Variants in RIMKLB observed in about 807,000 individuals in gnomAD.
RIMKLB encodes the protein beta-citrylglutamate synthase B.
A neutral mutation model predicts 32.0 loss-of-function variants in RIMKLB; 7 were observed. That is an observed-to-expected ratio of 0.22 (90% CI 0.12 to 0.41). The LOEUF is 0.41. Ranked by LOEUF, RIMKLB falls within the 10% of genes least tolerant of loss-of-function variation. The pLI is 1.00. For synonymous variants in RIMKLB, 172 were observed against 185.1 expected (o/e 0.93, Z 0.57); for missense variants, 289 against 498.7 (o/e 0.58, Z 4.00).
At chr12:8,763,388 G>A (rs771469283) in intron 5 of RIMKLB, among the ~76,000 whole-genome samples, 7 of 152,276 alleles carry the variant, frequency 4.6e-5, no homozygotes, top group South Asian at 2.1e-4. Flanking sequence ...TGCTTTAGGC[G>A]TACATCTGAC....
chr12:8,680,916 A>G (rs1031759176), upstream of RIMKLB, among the ~76,000 whole-genome samples: 2 of 152,004 alleles, frequency 1.3e-5, no homozygotes, highest in African/African-American at 2.4e-5. Flanking sequence ...AAGGAAACAA[A>G]CTTACAATGA....
intron 2 of RIMKLB, among the ~76,000 whole-genome samples, chr12:8,732,732 A>G (rs1255304732): frequency 6.7e-6 from 1 of 149,856 alleles, no homozygotes; most frequent in African/African-American, 2.5e-5. Flanking sequence ...AGCGTTATGC[A>G]TGCAACAGAA....
At position 8,774,150 on chromosome 12, in the gene RIMKLB, C is replaced by A. The variant is rs1334606478; in HGVS notation, c.*366C>A. On this transcript the variant is annotated 3_prime_UTR_variant, in exon 6 of 6. Coordinates refer to ENST00000535829, the MANE Select transcript of RIMKLB (RefSeq NM_001297776.2). ...AAAAAAATGGTTTTGCTACAAATAT[C>A]CAAGTAGCATAACTTCACATTGTGT... 5 of 1,007,418 alleles carry A rather than the reference C, an allele frequency of 5.0e-6. No individual in the cohort carries two copies. The Admixed American group carries it at 2.6e-4, about 52-fold the overall frequency. The allele number at this position is 1,007,418 out of a possible 1,614,324, so 62.4% of individuals were successfully genotyped here.
At chr12:8,715,228 C>CTTT (rs61677474) in intron 2 of RIMKLB, among the ~76,000 whole-genome samples, 14 of 123,760 alleles carry the variant, frequency 1.1e-4, no homozygotes, top group African/African-American at 4.3e-4. Flanking sequence ...TGCTCTTGTT[C>CTTT]TTTTTTTTTT....
intron 2 of RIMKLB, among the ~76,000 whole-genome samples, chr12:8,719,329 TA>T (rs1945199254): frequency 6.6e-6 from 1 of 152,210 alleles, no homozygotes; most frequent in Admixed American, 6.5e-5. Flanking sequence ...CTTCTAATTC[TA>T]AGCCCTGGGA....
Position 8,768,671 on chromosome 12 carries a change from C to T in RIMKLB, c.698-4650C>T, listed in dbSNP as rs775761153. Among the ~76,000 whole-genome samples, 181 of 152,144 alleles carry T rather than the reference C, an allele frequency of 1.2e-3. 1 individual carries two copies. The highest frequency in any genetic ancestry group is 2.5e-4 in the Non-Finnish European group (17 of 68,026). On this transcript the variant is annotated intron_variant, in intron 5 of 5. Transcript: ENST00000535829. ...AACTGAGCCGTGAACCTTTCTCATC[C>T]TAGTTCCTTTTGCAGTAATAGCTTT...
At chr12:8,720,263 C>G (rs550444207) in intron 2 of RIMKLB, among the ~76,000 whole-genome samples, 2 of 152,170 alleles carry the variant, frequency 1.3e-5, no homozygotes, top group Non-Finnish European at 2.9e-5. Context: ...GAAGTCATAT[C>G]ATCAGTAACA....
intron 2 of RIMKLB, among the ~76,000 whole-genome samples, chr12:8,742,192 C>T (rs1947620573): frequency 6.6e-6 from 1 of 151,896 alleles, no homozygotes; most frequent in Non-Finnish European, 1.5e-5. Flanking sequence ...GCCACCATGC[C>T]CGGCTGGAGA....
intron 1 of RIMKLB, among the ~76,000 whole-genome samples, chr12:8,684,420 G>GC (rs1447517453): frequency 2.6e-5 from 4 of 151,584 alleles, no homozygotes; most frequent in Non-Finnish European, 5.9e-5. Context: ...TGATCCACCC[G>GC]CCCCCGCCTC....
chr12:8,723,804 C>CTTTTTTTTTTTTTTTTTTTTTTTT (rs35269536), intron 2 of RIMKLB, among the ~76,000 whole-genome samples: 1 of 75,502 alleles, frequency 1.3e-5, no homozygotes, highest in African/African-American at 5.3e-5. Context: ...CTTCAGTTCC[C>CTTTTTTTTTTTTTTTTTTTTTTTT]TTTTTTTTTT....
At position 8,725,616 on chromosome 12, in the gene RIMKLB, G is replaced by A. The variant is rs763785503; in HGVS notation, c.175+11575G>A. On this transcript the variant is annotated intron_variant, in intron 2 of 5. Transcript: ENST00000535829. ...AGGCACACCAGCCCTGGCAGAGGCT[G>A]CAAGGGGGCAGGTAGGAGCCAAGGG... Among the ~76,000 whole-genome samples the A allele has an allele frequency of 2.6e-4, 39 of 152,320 alleles. 1 individual carries two copies. In the South Asian group the frequency reaches 4.3e-3, roughly 17 times the overall value.
At chr12:8,676,535 A>G in the RIMKLB span, among the ~76,000 whole-genome samples, 1 of 151,082 alleles carries the variant, frequency 6.6e-6, no homozygotes, top group African/African-American at 2.4e-5. Context: ...AGTAGCCAGG[A>G]CTACGGGTGT....
chr12:8,745,157 C>T (rs1947958739), intron 2 of RIMKLB, among the ~76,000 whole-genome samples: 1 of 151,780 alleles, frequency 6.6e-6, no homozygotes, highest in African/African-American at 2.4e-5. Context: ...GCCATGTTGG[C>T]CAACTGGTCT....
intron 1 of RIMKLB, among the ~76,000 whole-genome samples, chr12:8,712,130 T>C (rs1297123787): frequency 6.6e-6 from 1 of 152,124 alleles, no homozygotes; most frequent in Admixed American, 6.5e-5. Context: ...AGGGAAGCCA[T>C]AGTGTTTATA....
intron 2 of RIMKLB, among the ~76,000 whole-genome samples, chr12:8,715,845 T>G (rs1429597662): frequency 6.6e-6 from 1 of 152,252 alleles, no homozygotes; most frequent in African/African-American, 2.4e-5. Flanking sequence ...AATGTCACTT[T>G]GAACCCCTCT....
rs117837199 is a variant in RIMKLB at position 8,741,386 on chromosome 12, A to G, written c.176-8476A>G. The stretch of plus-strand genomic sequence containing the variant: ...GAGCAAGACTCCACCTTAAAAAAAA[A>G]AAGGAGAATCAGTTCTTCAATTTGA... On this transcript the variant is annotated intron_variant, in intron 2 of 5. Transcript: ENST00000535829. Among the ~76,000 whole-genome samples, 139 of 149,224 alleles carry G rather than the reference A, an allele frequency of 9.3e-4. 2 individuals are homozygous for G. The East Asian group carries it at 0.017, about 19-fold the overall frequency.
intron 1 of RIMKLB, among the ~76,000 whole-genome samples, chr12:8,704,131 C>T (rs1232482784): frequency 6.6e-6 from 1 of 152,172 alleles, no homozygotes; most frequent in African/African-American, 2.4e-5. Context: ...CGCCTGTAAT[C>T]CCAACACTGG....
intron 1 of RIMKLB, among the ~76,000 whole-genome samples, chr12:8,701,707 A>G (rs1458591251): frequency 6.7e-6 from 1 of 148,442 alleles, no homozygotes; most frequent in Non-Finnish European, 1.5e-5. Flanking sequence ...GGATAGCTAC[A>G]TTTAGATTTT....
intron 2 of RIMKLB, among the ~76,000 whole-genome samples, chr12:8,740,559 G>T (rs183317313): frequency 2.0e-5 from 3 of 152,100 alleles, no homozygotes; most frequent in Non-Finnish European, 4.4e-5. Flanking sequence ...TCCTCATAGC[G>T]TAGCTCTCAC....
Sources: gnomAD v4.1 joint callset for allele counts (sites outside exome capture counted in the v4.1 genomes callset) on GRCh38, gnomAD v4.1.1 for gene constraint, MANE v1.5 for transcripts, NCBI Gene and HGNC (gene_info 2026-07-23, HGNC 2026-07-21) for gene names.